LHFPL3: variants seen among roughly 807,000 people sequenced by gnomAD.
LHFPL3 encodes LHFPL tetraspan subfamily member 3 protein.
In LHFPL3, 5 loss-of-function variants were observed where a neutral mutation model predicts 19.3. The ratio of observed to expected loss-of-function variants is 0.26; its 90% CI spans 0.14 to 0.54. The LOEUF is 0.54. Among genes scored for constraint, LHFPL3 ranks in the 20% least tolerant of loss-of-function variants. The pLI, the probability that LHFPL3 is intolerant of heterozygous loss-of-function variation, is 0.94. For missense variants in LHFPL3, 249 were observed against 307.4 expected (o/e 0.81, Z 1.42); for synonymous variants, 133 against 126.2 (o/e 1.05, Z -0.36).
intron 1 of LHFPL3, among the ~76,000 whole-genome samples, chr7:104,694,995 G>T (rs1792971787): frequency 6.6e-6 from 1 of 152,180 alleles, no homozygotes; most frequent in Admixed American, 6.5e-5. Flanking sequence ...GTGCAGAAGG[G>T]CTATTTGTCA....
chr7:104,824,551 A>AATATATAATT (rs1562804773), intron 2 of LHFPL3, among the ~76,000 whole-genome samples: 2 of 71,642 alleles, frequency 2.8e-5, no homozygotes, highest in Non-Finnish European at 4.8e-5. Flanking sequence ...AATTATATAT[A>AATATATAATT]ATATATAATT....
At chr7:104,626,375 A>T (rs1045384886) in intron 1 of LHFPL3, among the ~76,000 whole-genome samples, 1 of 152,214 alleles carries the variant, frequency 6.6e-6, no homozygotes, top group Non-Finnish European at 1.5e-5. Flanking sequence ...TCAAATAGGA[A>T]TCTACAAATA....
At chr7:104,869,892 C>T (rs1454762919) in intron 2 of LHFPL3, among the ~76,000 whole-genome samples, 2 of 152,122 alleles carry the variant, frequency 1.3e-5, no homozygotes, top group African/African-American at 2.4e-5. Context: ...ACATATACAC[C>T]GTGGAATAGT....
intron 2 of LHFPL3, among the ~76,000 whole-genome samples, chr7:104,769,529 T>C (rs1164033899): frequency 1.3e-5 from 2 of 152,194 alleles, no homozygotes; most frequent in African/African-American, 2.4e-5. Flanking sequence ...TACATAGGTA[T>C]ACACGTGCCA....
chr7:104,401,992 A>T (rs1437348445), intron 1 of LHFPL3, among the ~76,000 whole-genome samples: 2 of 152,204 alleles, frequency 1.3e-5, no homozygotes, highest in East Asian at 1.9e-4. Flanking sequence ...GAGTCATAAC[A>T]GTCTACAAGC....
chr7:104,552,888 A>T (rs1414496327), intron 1 of LHFPL3, among the ~76,000 whole-genome samples: 1 of 152,158 alleles, frequency 6.6e-6, no homozygotes, highest in African/African-American at 2.4e-5. Context: ...TGCAGACCCT[A>T]GTTCTGCCTT....
intron 2 of LHFPL3, among the ~76,000 whole-genome samples, chr7:104,739,928 C>G (rs1182900493): frequency 6.6e-6 from 1 of 152,146 alleles, no homozygotes; most frequent in Non-Finnish European, 1.5e-5. Context: ...GGCTCTCTTT[C>G]CCCATTGAAA....
At chr7:104,362,474 C>T (rs1269405540) in intron 1 of LHFPL3, among the ~76,000 whole-genome samples, 2 of 152,190 alleles carry the variant, frequency 1.3e-5, no homozygotes, top group African/African-American at 4.8e-5. Context: ...ATTGTACAGA[C>T]AGGAAACTGA....
intron 2 of LHFPL3, among the ~76,000 whole-genome samples, chr7:104,740,752 C>T (rs1358984186): frequency 6.6e-6 from 1 of 152,210 alleles, no homozygotes; most frequent in African/African-American, 2.4e-5. Context: ...TTCAATTAAT[C>T]TCCACCTGGT....
At chr7:104,511,487 G>A (rs891266368) in intron 1 of LHFPL3, among the ~76,000 whole-genome samples, 1 of 152,148 alleles carries the variant, frequency 6.6e-6, no homozygotes, top group African/African-American at 2.4e-5. Context: ...GAGAAATGAA[G>A]ACTTGTGTTT....
intron 1 of LHFPL3, among the ~76,000 whole-genome samples, chr7:104,336,308 G>A (rs903325296): frequency 6.6e-6 from 1 of 152,046 alleles, no homozygotes; most frequent in Non-Finnish European, 1.5e-5. Flanking sequence ...AAGTCACTGA[G>A]GCATTTGAAA....
At chr7:104,640,922 C>T (rs190146055) in intron 1 of LHFPL3, among the ~76,000 whole-genome samples, 3 of 152,176 alleles carry the variant, frequency 2.0e-5, no homozygotes, top group African/African-American at 7.2e-5. Flanking sequence ...AAATATTGAA[C>T]AAAAAAGTTA....
intron 2 of LHFPL3, among the ~76,000 whole-genome samples, chr7:104,793,226 A>G (rs1222882709): frequency 6.6e-6 from 1 of 152,142 alleles, no homozygotes; most frequent in Admixed American, 6.5e-5. Flanking sequence ...CAGTCAGAAC[A>G]TCCTTGCGCA....
At chr7:104,409,070 G>C (rs1015350419) in intron 1 of LHFPL3, among the ~76,000 whole-genome samples, 1 of 149,052 alleles carries the variant, frequency 6.7e-6, no homozygotes, top group Non-Finnish European at 1.5e-5. Context: ...TAGAGACGGG[G>C]TTTCACCGTG....
intron 1 of LHFPL3, among the ~76,000 whole-genome samples, chr7:104,341,315 A>C (rs778879537): frequency 7.9e-5 from 12 of 152,246 alleles, no homozygotes; most frequent in Admixed American, 2.0e-4. Flanking sequence ...TTCTAAAGAA[A>C]GTAAAAAAGC....
chr7:104,661,657 C>T (rs1480647778), intron 1 of LHFPL3, among the ~76,000 whole-genome samples: 2 of 152,166 alleles, frequency 1.3e-5, no homozygotes, highest in African/African-American at 4.8e-5. Flanking sequence ...TGCAAGACCC[C>T]CAAAGGTTGC....
intron 1 of LHFPL3, among the ~76,000 whole-genome samples, chr7:104,415,608 T>A (rs1172130570): frequency 6.6e-6 from 1 of 152,214 alleles, no homozygotes; most frequent in African/African-American, 2.4e-5. Flanking sequence ...ACTTTCCAGT[T>A]CTTGGTAACC....
chr7:104,750,785 AG>A (rs1794150755), intron 2 of LHFPL3, among the ~76,000 whole-genome samples: 2 of 152,164 alleles, frequency 1.3e-5, no homozygotes, highest in Admixed American at 1.3e-4. Context: ...GAAAACCCTG[AG>A]GAACAAATGG....
chr7:104,415,581 A>G (rs907196203), intron 1 of LHFPL3, among the ~76,000 whole-genome samples: 6 of 152,196 alleles, frequency 3.9e-5, no homozygotes, highest in African/African-American at 1.2e-4. Flanking sequence ...ACTCTAACAC[A>G]ATACTTTCCT....
Sources: gnomAD v4.1 joint callset for allele counts (sites outside exome capture counted in the v4.1 genomes callset) on GRCh38, gnomAD v4.1.1 for gene constraint, MANE v1.5 for transcripts, NCBI Gene and HGNC (gene_info 2026-07-23, HGNC 2026-07-21) for gene names.